Variants in EFNA4 observed in about 807,000 individuals in gnomAD.
The protein encoded by EFNA4 is ephrin A4.
A neutral mutation model predicts 23.7 loss-of-function variants in EFNA4; 22 were observed. The observed-to-expected ratio is 0.93, with a 90% confidence interval of 0.66 to 1.32. The LOEUF is 1.32. Among genes scored for constraint, EFNA4 ranks in the 40% most tolerant of loss-of-function variants. The probability of loss-of-function intolerance (pLI) is 0.00; values close to 1 mark genes in which losing one functional copy is unlikely to be tolerated. For synonymous variants in EFNA4, 113 were observed against 108.3 expected (o/e 1.04, Z -0.27); for missense variants, 252 against 252.3 (o/e 1.00, Z 0.01).
At position 155,064,053 on chromosome 1, in the gene EFNA4, C is replaced by T. The variant is rs1006841906; in HGVS notation, c.113+117C>T. 3.6e-6 allele frequency: 3 copies of T among 828,070 alleles called. No homozygotes were observed. The South Asian group carries it at 6.2e-5, about 17-fold the overall frequency. 51.3% of individuals were successfully genotyped at this position (828,070 alleles called of 1,614,324 possible). A position where few individuals can be genotyped will look rare whatever the true frequency, so the allele number is the denominator to read the frequency against. On this transcript the variant is annotated intron_variant, in intron 1 of 3. Transcript: ENST00000368409. ...CTGAGCCTGGCCGCGCGCCGGGGCT[C>T]CTTTGTTTGAGCCGGCGGGGGAGGG...
Position 155,069,237 on chromosome 1 carries a change from A to G in EFNA4, c.*248A>G. On this transcript the variant is annotated 3_prime_UTR_variant, in exon 4 of 4. Transcript: ENST00000368409. ...GGCAAGACAAACACAGGCGCTTTGC[A>G]GGCTGCTCTGAGGGTCTCAGCCCAT... 1 of 1,512,446 alleles carries G rather than the reference A, an allele frequency of 6.6e-7. No individual in the cohort carries two copies. Among genetic ancestry groups the G allele is most frequent in the Middle Eastern group, 1.7e-4 (1 of 5,816 alleles). The allele number at this position is 1,512,446 out of a possible 1,614,324, so 93.7% of individuals were successfully genotyped here.
chr1:155,067,120 C>A, intron 2 of EFNA4, 104 bp downstream of exon 2: 1 of 1,381,282 alleles, frequency 7.2e-7, no homozygotes, highest in Non-Finnish European at 9.9e-7. Flanking sequence ...TAATGTACAT[C>A]GGGTTGAGGT....
chr1:155,068,760 A>G, intron 3 of EFNA4, 93 bp from the exon 4 acceptor site: 1 of 1,338,982 alleles, frequency 7.5e-7, no homozygotes, highest in Non-Finnish European at 1.0e-6. Flanking sequence ...GAGACCCTGG[A>G]GGATGGGAAA....
At chr1:155,064,929 G>C (rs1182158797) in intron 1 of EFNA4, among the ~76,000 whole-genome samples, 1 of 152,206 alleles carries the variant, frequency 6.6e-6, no homozygotes, top group African/African-American at 2.4e-5. Flanking sequence ...ATAAAGACAG[G>C]TCATTACAAT....
At chr1:155,067,715 T>C (rs1412769751) in intron 3 of EFNA4, among the ~76,000 whole-genome samples, 2 of 150,992 alleles carry the variant, frequency 1.3e-5, no homozygotes, top group Admixed American at 6.6e-5. Flanking sequence ...TCCGCCTCTC[T>C]GGTTCACGCC....
rs973807394 is a variant in EFNA4, at chr1:155,066,712, C to G, written c.114-18C>G. ...GGTGCCCTCCACTCCTCAGCCCACC[C>G]CTGCGTTATGCCTGCAGGTTGCTTC... On this transcript the variant is annotated intron_variant, in intron 1 of 3. Coordinates refer to ENST00000368409, the MANE Select transcript of EFNA4 (RefSeq NM_005227.3). 1.2e-5 allele frequency: 19 copies of G among 1,563,830 alleles called. No individual in the cohort carries two copies. Among genetic ancestry groups the G allele is most frequent in the Non-Finnish European group, 1.6e-5 (18 of 1,157,386 alleles).
In EFNA4 at chr1:155,067,228, C is replaced by G. The variant is rs868114395; in HGVS notation, c.401-144C>G. 18 of 1,057,810 alleles carry G rather than the reference C, an allele frequency of 1.7e-5. 1 individual carries two copies. In the Middle Eastern group the frequency reaches 3.7e-3, roughly 220 times the overall value. 65.5% of individuals were successfully genotyped at this position (1,057,810 alleles called of 1,614,324 possible). Reference sequence around the variant, plus strand: ...AGGGAGATGAGAGGACTGGATGGGGCCTGATACATGGGTGTGGCCCCAAAG... The same window carrying G: ...AGGGAGATGAGAGGACTGGATGGGGGCTGATACATGGGTGTGGCCCCAAAG... On this transcript the variant is annotated intron_variant, in intron 2 of 3. Transcript: ENST00000368409.
At chr1:155,064,063 A>C (rs1340431940) in intron 1 of EFNA4, 127 bp downstream of exon 1, 86 of 210,516 alleles carry the variant, frequency 4.1e-4, no homozygotes, top group East Asian at 1.2e-3. Flanking sequence ...CCTTTGTTTG[A>C]GCCGGCGGGG....
At chr1:155,067,109 C>A in intron 2 of EFNA4, 93 bp downstream of exon 2, 1 of 1,440,132 alleles carries the variant, frequency 6.9e-7, no homozygotes, top group South Asian at 1.3e-5. Flanking sequence ...GGCTGGGTCT[C>A]TAATGTACAT....
At position 155,067,157 on chromosome 1, in the gene EFNA4, G is replaced by A. The variant is rs867386142; in HGVS notation, c.400+141G>A. The A allele has an allele frequency of 1.9e-5, 22 of 1,175,890 alleles. No homozygotes were observed. In the Middle Eastern group the frequency reaches 1.1e-3, roughly 57 times the overall value. 72.8% of individuals were successfully genotyped at this position (1,175,890 alleles called of 1,614,324 possible). A position where few individuals can be genotyped will look rare whatever the true frequency, so the allele number is the denominator to read the frequency against. ...TGGGCTGAACTCAGGACTGAGGAGG[G>A]AAATGTCTAGAAAGGAGAAAGTAGG... On this transcript the variant is annotated intron_variant, in intron 2 of 3. Transcript: ENST00000368409.
At chr1:155,065,636 A>G in intron 1 of EFNA4, among the ~76,000 whole-genome samples, 1 of 151,180 alleles carries the variant, frequency 6.6e-6, no homozygotes, top group South Asian at 2.1e-4. Flanking sequence ...TGCGGACTCT[A>G]AGGATCCTCC....
At chr1:155,064,068 GC>G in intron 1 of EFNA4, 132 bp downstream of exon 1, 1 of 676,202 alleles carries the variant, frequency 1.5e-6, no homozygotes, top group Non-Finnish European at 2.3e-6. Context: ...GTTTGAGCCG[GC>G]GGGGGAGGGG....
rs764671956 is a variant in EFNA4, at chr1:155,063,943, G to T, written c.113+7G>T. On this transcript the variant is annotated splice_region_variant and intron_variant, in intron 1 of 3. Coordinates refer to ENST00000368409, the MANE Select transcript of EFNA4 (RefSeq NM_005227.3). This position sits in a 1 kb window ranked among gnomAD's most constrained non-coding sequence, Gnocchi z 4.1. ...GGAACTCCAGTAACCCCAGGTAGCC[G>T]GGCCGAACCGGGCGAGCGCACAGCC... The T allele has an allele frequency of 5.4e-5, 83 of 1,538,314 alleles. No individual in the cohort carries two copies. Among genetic ancestry groups the T allele is most frequent in the Non-Finnish European group, 6.2e-5 (71 of 1,143,564 alleles).
In EFNA4 at chr1:155,067,008, A is replaced by G. The variant is rs756341656; in HGVS notation, c.392A>G (p.Tyr131Cys). The G allele has an allele frequency of 7.5e-6, 12 of 1,606,338 alleles. No individual in the cohort carries two copies. Among genetic ancestry groups the G allele is most frequent in the East Asian group, 2.2e-5 (1 of 44,790 alleles). The change falls in exon 2 of 4, where the codon TAC (tyrosine) becomes TGC (cysteine). Residue 131 changes from tyrosine to cysteine, a missense_variant. By Grantham distance (194) the Tyr-to-Cys change is radical. Transcript: ENST00000368409. The part of the protein sequence containing the change: ...GFEFLPGETY[Y>C]YISVPTPESS... ...GAGTTCTTACCTGGAGAGACTTACT[A>G]CTACATCTGTGAGTGGCCAAGGGCA... is the stretch of plus-strand genomic sequence containing the variant.
In EFNA4 at chr1:155,063,816, C is replaced by A; in HGVS notation, c.-8C>A. Reference sequence around the variant, plus strand: ...TGCCAGGCCAGACCAAACCGGACCTCGGGGGCGATGCGGCTGCTGCCCCTG... The same window carrying A: ...TGCCAGGCCAGACCAAACCGGACCTAGGGGGCGATGCGGCTGCTGCCCCTG... On this transcript the variant is annotated 5_prime_UTR_variant, in exon 1 of 4. Transcript: ENST00000368409. This position sits in a 1 kb window ranked among gnomAD's most constrained non-coding sequence, Gnocchi z 4.1. 1 of 1,518,586 alleles carries A rather than the reference C, an allele frequency of 6.6e-7. No homozygotes were observed. 94.1% of individuals were successfully genotyped at this position (1,518,586 alleles called of 1,614,324 possible).
rs938282528 is a variant in EFNA4, at chr1:155,063,831, T to C, written c.8T>C (p.Leu3Pro). The C allele has an allele frequency of 9.1e-6, 14 of 1,533,494 alleles. No homozygotes were observed. The highest frequency in any genetic ancestry group is 1.1e-5 in the Non-Finnish European group (13 of 1,141,098). 95.0% of individuals were successfully genotyped at this position (1,533,494 alleles called of 1,614,324 possible). Residue 3 changes from leucine to proline, a missense_variant, in exon 1 of 4, where the codon CTG becomes CCG. Physicochemically the swap from Leu to Pro is moderately conservative, Grantham distance 98 (BLOSUM62 -3). Transcript: ENST00000368409. This position sits in a 1 kb window ranked among gnomAD's most constrained non-coding sequence, Gnocchi z 4.1. Reference sequence around the variant, plus strand: ...AACCGGACCTCGGGGGCGATGCGGCTGCTGCCCCTGCTGCGGACTGTCCTC... The same window carrying C: ...AACCGGACCTCGGGGGCGATGCGGCCGCTGCCCCTGCTGCGGACTGTCCTC... MR[L>P]LPLLRTVLWA... is the part of the protein sequence containing the mutation.
At chr1:155,067,107 C>G in intron 2 of EFNA4, 91 bp downstream of exon 2, 2 of 1,440,010 alleles carry the variant, frequency 1.4e-6, no homozygotes, top group Non-Finnish European at 9.4e-7. Flanking sequence ...GGGGCTGGGT[C>G]TCTAATGTAC....
intron 2 of EFNA4, 46 bp from the exon 3 acceptor site, chr1:155,067,326 G>C (rs764965792): frequency 6.2e-7 from 1 of 1,606,178 alleles, no homozygotes; most frequent in South Asian, 1.1e-5. Context: ...GGCATACAAA[G>C]GGGTGACTCC....
chr1:155,066,862 CTA>C lies in EFNA4; in HGVS notation c.248_249del (p.Tyr83Ter), dbSNP rs1413766725. The C allele has an allele frequency of 6.2e-7, 1 of 1,614,084 alleles. No individual in the cohort carries two copies. The highest frequency in any genetic ancestry group is 8.5e-7 in the Non-Finnish European group (1 of 1,180,034). ...FALYMVDWPGYESCQAEGPRA... is the reference protein window; with the variant it reads ...FALYMVDWPGXESCQAEGPRA... ...CTTTGTACATGGTGGACTGGCCAGG[CTA>C]TGAGTCCTGCCAGGCAGAGGGCCCC... On this transcript the variant is annotated frameshift_variant, in exon 2 of 4. Transcript: ENST00000368409. LOFTEE classifies it high-confidence loss of function.
Sources: allele counts gnomAD v4.1 joint callset (sites outside exome capture counted in the v4.1 genomes callset), GRCh38; gene constraint gnomAD v4.1.1; non-coding constraint Gnocchi (gnomAD v3.1); transcripts MANE v1.5; gene names NCBI Gene and HGNC (gene_info 2026-07-23, HGNC 2026-07-21).